TOX4: variants seen among roughly 807,000 people sequenced by gnomAD.
TOX4 encodes epidermal Langerhans cell protein LCP1.
Under a neutral mutation model 61.0 loss-of-function variants are expected in TOX4, and 12 were observed. That is an observed-to-expected ratio of 0.20 (90% CI 0.13 to 0.32). The LOEUF (loss-of-function observed/expected upper bound fraction) is 0.32, where lower values mean the gene tolerates loss of function less well. Ranked by LOEUF, TOX4 falls within the 10% of genes least tolerant of loss-of-function variation. TOX4 has a pLI of 1.00. For synonymous variants in TOX4, 268 were observed against 274.8 expected (o/e 0.98, Z 0.24); for missense variants, 499 against 753.3 (o/e 0.66, Z 3.95).
chr14:21,492,026 A>C (rs1324652140), intron 5 of TOX4: 2 of 256,652 alleles, frequency 7.8e-6, no homozygotes, highest in African/African-American at 4.5e-5. Context: ...AAATTTAAAA[A>C]AAATAAAATA....
Position 21,496,819 on chromosome 14 carries a change from ATAAGCGG to A in TOX4, c.*217_*223del. On this transcript the variant is annotated 3_prime_UTR_variant, in exon 9 of 9. Coordinates refer to ENST00000448790, the MANE Select transcript of TOX4 (RefSeq NM_014828.4). ...CTGGAGATGCTTTTTACTTTCAACC[ATAAGCGG>A]TAATAGCAGAGGAAAGGGTGAAGGG... 1.9e-5 allele frequency: 10 copies of A among 521,948 alleles called. No homozygotes were observed. The South Asian group carries it at 2.2e-4, about 11-fold the overall frequency. The allele number at this position is 521,948 out of a possible 1,614,324, so 32.3% of individuals were successfully genotyped here. A position where few individuals can be genotyped will look rare whatever the true frequency, so the allele number is the denominator to read the frequency against.
intron 8 of TOX4, 51 bp from the exon 9 acceptor site, chr14:21,496,495 C>A (rs774753071): frequency 1.2e-5 from 19 of 1,522,782 alleles, no homozygotes; most frequent in Admixed American, 1.7e-5. Flanking sequence ...GGCTGTAATT[C>A]TATTTCAGTT....
rs796419920 is a variant in TOX4 at position 21,497,514 on chromosome 14, G to GTTTT, written c.*911_*914dup. 3.5e-4 allele frequency: 18 copies of GTTTT among 51,632 alleles called. No individual in the cohort carries two copies. Among genetic ancestry groups the GTTTT allele is most frequent in the African/African-American group, 1.0e-3 (14 of 13,616 alleles). 3.2% of individuals were successfully genotyped at this position (51,632 alleles called of 1,614,324 possible). Reference sequence around the variant, plus strand: ...TCCTATGCATTCCTGTTTTCTGTGTGTTTTTTGTTTTTTTTTTTTTTTTTT... The same window carrying GTTTT: ...TCCTATGCATTCCTGTTTTCTGTGTGTTTTTTTTTTGTTTTTTTTTTTTTTTTTT... On this transcript the variant is annotated 3_prime_UTR_variant, in exon 9 of 9. Transcript: ENST00000448790.
chr14:21,496,475 A>C, intron 8 of TOX4, 71 bp from the exon 9 acceptor site: 1 of 1,463,976 alleles, frequency 6.8e-7, no homozygotes. Flanking sequence ...CAAAAAAAAA[A>C]ATGTATCTAG....
chr14:21,482,983 A>C (rs6571851), intron 2 of TOX4, among the ~76,000 whole-genome samples: 99,275 of 151,992 alleles, frequency 0.65, 32,503 homozygotes, highest in East Asian at 0.69. Flanking sequence ...CAAAGCTTTT[A>C]CACATCCCAA....
intron 2 of TOX4, among the ~76,000 whole-genome samples, chr14:21,483,927 C>G (rs570656848): frequency 7.9e-5 from 12 of 152,052 alleles, no homozygotes; most frequent in African/African-American, 2.9e-4. Flanking sequence ...CGTGCCTCAG[C>G]CACCTGGGTA....
intron 7 of TOX4, 149 bp from the exon 8 acceptor site, chr14:21,495,080 C>G: frequency 2.6e-6 from 2 of 784,206 alleles, no homozygotes; most frequent in Non-Finnish European, 4.1e-6. Context: ...GAGGGGAGAC[C>G]AAGAACTCAC....
chr14:21,491,867 C>T (rs1019547563), intron 5 of TOX4, among the ~76,000 whole-genome samples: 7 of 151,346 alleles, frequency 4.6e-5, no homozygotes, highest in Non-Finnish European at 1.0e-4. Flanking sequence ...AAAAATTAGC[C>T]GGGCGTGGTG....
chr14:21,477,432 C>T, intron 1 of TOX4, 64 bp from the exon 2 acceptor site: 3 of 1,610,162 alleles, frequency 1.9e-6, no homozygotes, highest in South Asian at 2.2e-5. Flanking sequence ...GGTCAAAAGC[C>T]ATCGCTCCAA....
chr14:21,485,553 A>G lies in TOX4; in HGVS notation c.76-1898A>G, dbSNP rs566064134. 4.0e-5 allele frequency among the ~76,000 whole-genome samples: 4 copies of G among 99,932 alleles called. 1 individual carries two copies. The highest frequency in any genetic ancestry group is 1.5e-4 in the African/African-American group (4 of 26,098). The allele number at this position is 99,932 out of a possible 152,430, so 65.6% of individuals were successfully genotyped here. On this transcript the variant is annotated intron_variant, in intron 2 of 8. Coordinates refer to ENST00000448790, the MANE Select transcript of TOX4 (RefSeq NM_014828.4). ...CAATATCACGCCACTGCATTTTATC[A>G]TGGGTGACAAAGGAGACTCTATCTC...
intron 2 of TOX4, among the ~76,000 whole-genome samples, chr14:21,477,780 G>A (rs1330822968): frequency 6.6e-6 from 1 of 152,198 alleles, no homozygotes; most frequent in Non-Finnish European, 1.5e-5. Context: ...ATTGGAAAGA[G>A]ATAACCTGTT....
chr14:21,482,469 AAG>A (rs1199801799), intron 2 of TOX4: 35 of 428,134 alleles, frequency 8.2e-5, no homozygotes, highest in African/African-American at 7.1e-4. Context: ...AGAATGAAAA[AAG>A]GGAGGGAAAT....
rs1194885582 is a variant in TOX4 at position 21,485,195 on chromosome 14, C to T, written c.76-2256C>T. ...CTTTGGGAGGCCAAGGAGGGCGGAT[C>T]ACCTGAGGTCGGGAGTTCAAGACCA... On this transcript the variant is annotated intron_variant, in intron 2 of 8. Transcript: ENST00000448790. Among the ~76,000 whole-genome samples the T allele has an allele frequency of 1.9e-5, 2 of 104,940 alleles. 1 individual carries two copies. Among genetic ancestry groups the T allele is most frequent in the Non-Finnish European group, 4.2e-5 (2 of 47,718 alleles). The allele number at this position is 104,940 out of a possible 152,430, so 68.8% of individuals were successfully genotyped here.
chr14:21,493,315 T>C, intron 7 of TOX4, 58 bp downstream of exon 7: 1 of 1,529,086 alleles, frequency 6.5e-7, no homozygotes, highest in Non-Finnish European at 8.8e-7. Context: ...TGTTTTTGGT[T>C]GACCCAATAA....
chr14:21,483,982 A>T (rs947515279), intron 2 of TOX4, among the ~76,000 whole-genome samples: 1 of 151,808 alleles, frequency 6.6e-6, no homozygotes, highest in African/African-American at 2.4e-5. Flanking sequence ...TAATTTTTGT[A>T]TTTTTAGTAG....
chr14:21,479,473 C>T (rs565653340), intron 2 of TOX4, among the ~76,000 whole-genome samples: 125 of 151,892 alleles, frequency 8.2e-4, no homozygotes, highest in African/African-American at 2.9e-3. Flanking sequence ...ACATGTGAAA[C>T]CCCATCTCTA....
At chr14:21,477,419 C>T in intron 1 of TOX4, 77 bp from the exon 2 acceptor site, 3 of 1,609,500 alleles carry the variant, frequency 1.9e-6, no homozygotes, top group Non-Finnish European at 2.5e-6. Context: ...GTCAGAATGT[C>T]AGGGTCAAAA....
At position 21,477,255 on chromosome 14, in the gene TOX4, G is replaced by A. The variant is rs757098407; in HGVS notation, c.-24G>A. 8.1e-6 allele frequency: 13 copies of A among 1,613,952 alleles called. No homozygotes were observed. The highest frequency in any genetic ancestry group is 2.2e-5 in the South Asian group (2 of 91,074). ...GGCGGTGGGAGCGATGAGGGTCTGA[G>A]ACGGTGGGAGCGGTTGTGTGAAGAT... is the stretch of plus-strand genomic sequence containing the variant. On this transcript the variant is annotated 5_prime_UTR_variant, in exon 1 of 9. Coordinates refer to ENST00000448790, the MANE Select transcript of TOX4 (RefSeq NM_014828.4).
intron 2 of TOX4, among the ~76,000 whole-genome samples, chr14:21,482,896 A>T (rs1389787983): frequency 6.6e-6 from 1 of 151,842 alleles, no homozygotes; most frequent in Non-Finnish European, 1.5e-5. Context: ...AATTGTAGTT[A>T]TCTTACTATT....
Sources: gnomAD v4.1 joint callset for allele counts (sites outside exome capture counted in the v4.1 genomes callset) on GRCh38, gnomAD v4.1.1 for gene constraint, MANE v1.5 for transcripts, NCBI Gene and HGNC (gene_info 2026-07-23, HGNC 2026-07-21) for gene names.